TRDN: variants seen among roughly 807,000 people sequenced by gnomAD.
TRDN encodes triadin, also known as triadin in skeletal muscle.
TRDN carries 161 observed loss-of-function variants against 149.7 expected under a neutral mutation model. That is an observed-to-expected ratio of 1.08 (90% CI 0.95 to 1.23). The LOEUF (loss-of-function observed/expected upper bound fraction) is 1.23, where lower values mean the gene tolerates loss of function less well. Ranked by LOEUF, TRDN falls within the 50% of genes most tolerant of loss-of-function variation. The pLI is 0.00. For synonymous variants in TRDN, 294 were observed against 250.5 expected (o/e 1.17, Z -1.64); for missense variants, 896 against 823.5 (o/e 1.09, Z -1.08).
At chr6:123,417,425 A>G (rs191343611) in intron 12 of TRDN, among the ~76,000 whole-genome samples, 1 of 152,278 alleles carries the variant, frequency 6.6e-6, no homozygotes, top group Admixed American at 6.5e-5. Context: ...ATTATTCTTT[A>G]TATTCTAATG....
intron 7 of TRDN, chr6:123,509,678 C>T (rs1779081268): frequency 6.6e-6 from 1 of 152,062 alleles, no homozygotes; most frequent in African/African-American, 2.4e-5. Flanking sequence ...GAAACAGAGG[C>T]CTGAGCTAAG....
intron 2 of TRDN, among the ~76,000 whole-genome samples, chr6:123,566,932 T>C (rs545202109): frequency 6.6e-6 from 1 of 152,296 alleles, no homozygotes; most frequent in Non-Finnish European, 1.5e-5. Context: ...TTGAAAGGAA[T>C]TTGTTCTTAT....
intron 24 of TRDN, among the ~76,000 whole-genome samples, chr6:123,280,806 G>T (rs1402522928): frequency 1.3e-5 from 2 of 151,816 alleles, no homozygotes; most frequent in Non-Finnish European, 2.9e-5. Flanking sequence ...ATAATCTATT[G>T]CAAGTATCAA....
intron 38 of TRDN, among the ~76,000 whole-genome samples, chr6:123,240,213 T>A (rs564329530): frequency 6.6e-6 from 1 of 152,072 alleles, no homozygotes; most frequent in South Asian, 2.1e-4. Flanking sequence ...TATATGTTAC[T>A]TTGTATGTAT....
chr6:123,488,154 G>A (rs911107409), intron 9 of TRDN, among the ~76,000 whole-genome samples: 1 of 151,968 alleles, frequency 6.6e-6, no homozygotes, highest in African/African-American at 2.4e-5. Context: ...CTTCACCTCT[G>A]ACCTTTCTCC....
chr6:123,283,752 A>G (rs1034949658), intron 24 of TRDN, among the ~76,000 whole-genome samples: 2 of 150,838 alleles, frequency 1.3e-5, no homozygotes, highest in African/African-American at 4.9e-5. Flanking sequence ...TAAATCAGGA[A>G]GAATTAGAAA....
intron 1 of TRDN, among the ~76,000 whole-genome samples, chr6:123,606,547 CT>C (rs1432718282): frequency 2.0e-5 from 3 of 151,928 alleles, no homozygotes; most frequent in Non-Finnish European, 4.4e-5. Context: ...TTAGTCAACA[CT>C]TTTATTGTTT....
At chr6:123,488,727 T>C (rs1778080458) in intron 9 of TRDN, 1 of 92,734 alleles carries the variant, frequency 1.1e-5, no homozygotes, top group Non-Finnish European at 2.3e-5. Flanking sequence ...TTTTTTTTTC[T>C]AGATTTCCTG....
intron 12 of TRDN, among the ~76,000 whole-genome samples, chr6:123,436,569 T>G (rs1436302783): frequency 4.6e-5 from 7 of 152,080 alleles, no homozygotes; most frequent in Non-Finnish European, 1.0e-4. Context: ...ATAGTTGACA[T>G]CCTATGTATG....
intron 10 of TRDN, among the ~76,000 whole-genome samples, chr6:123,460,126 TC>T (rs1457912186): frequency 3.3e-5 from 5 of 152,354 alleles, no homozygotes; most frequent in South Asian, 4.1e-4. Context: ...TACTCTCTGC[TC>T]AATTGCTTAA....
Position 123,252,617 on chromosome 6 carries a change from T to A in TRDN, c.1952-182A>T, listed in dbSNP as rs535438067. ...GTCTTTGTTTTGTTATAATTTTTAA[T>A]TTTTTAAAATTTTTATTTAGAGATG... On this transcript the variant is annotated intron_variant, in intron 37 of 40. Transcript: ENST00000334268. 3.9e-5 allele frequency among the ~76,000 whole-genome samples: 6 copies of A among 152,206 alleles called. No individual in the cohort carries two copies. The South Asian group carries it at 1.0e-3, about 26-fold the overall frequency.
At chr6:123,533,588 A>C (rs1021194939) in intron 4 of TRDN, among the ~76,000 whole-genome samples, 7 of 152,092 alleles carry the variant, frequency 4.6e-5, no homozygotes, top group Admixed American at 1.3e-4. Context: ...AGCAGGAGCT[A>C]CCTTGCTCCT....
At chr6:123,341,159 A>G (rs1319847596) in intron 21 of TRDN, among the ~76,000 whole-genome samples, 2 of 151,952 alleles carry the variant, frequency 1.3e-5, no homozygotes, top group Non-Finnish European at 2.9e-5. Flanking sequence ...GTTTACAATT[A>G]TCATGAAGGA....
At chr6:123,267,810 A>G in intron 31 of TRDN, 59 bp from the exon 32 acceptor site, 2 of 1,360,076 alleles carry the variant, frequency 1.5e-6, no homozygotes, top group South Asian at 2.8e-5. Flanking sequence ...AATATTTCTT[A>G]TTTATATATT....
chr6:123,601,364 A>C (rs1476915486), intron 1 of TRDN, among the ~76,000 whole-genome samples: 1 of 152,152 alleles, frequency 6.6e-6, no homozygotes, highest in Admixed American at 6.6e-5. Context: ...ATATGTTGTC[A>C]TCAACACCTT....
At chr6:123,352,224 A>G (rs1489159915) in intron 21 of TRDN, 1 of 984,964 alleles carries the variant, frequency 1.0e-6, no homozygotes, top group Admixed American at 6.2e-5. Flanking sequence ...CACAAATCAA[A>G]TAGGAATATG....
intron 1 of TRDN, among the ~76,000 whole-genome samples, chr6:123,614,300 C>CAAAAAAAAAAAAAAAAAAAAAA (rs1199509406): frequency 1.0e-5 from 1 of 99,856 alleles, no homozygotes; most frequent in Non-Finnish European, 2.0e-5. Context: ...AAAAAAAAAA[C>CAAAAAAAAAAAAAAAAAAAAAA]AAAAAAAAAA....
intron 9 of TRDN, among the ~76,000 whole-genome samples, chr6:123,472,418 C>T (rs1178505844): frequency 6.6e-6 from 1 of 152,234 alleles, no homozygotes; most frequent in African/African-American, 2.4e-5. Context: ...CCACACCTGG[C>T]TCGGAGGGTC....
At chr6:123,467,134 C>T (rs922411744) in intron 9 of TRDN, among the ~76,000 whole-genome samples, 1 of 152,028 alleles carries the variant, frequency 6.6e-6, no homozygotes, top group African/African-American at 2.4e-5. Flanking sequence ...TCCCAACATA[C>T]TGGCTGAAAC....
Sources: allele counts gnomAD v4.1 joint callset (sites outside exome capture counted in the v4.1 genomes callset), GRCh38; gene constraint gnomAD v4.1.1; transcripts MANE v1.5; gene names NCBI Gene and HGNC (gene_info 2026-07-23, HGNC 2026-07-21).